ACVR1: variants seen among roughly 807,000 people sequenced by gnomAD.
The protein encoded by ACVR1 is activin receptor type-1.
ACVR1 carries 38 observed loss-of-function variants against 57.1 expected under a neutral mutation model. The ratio of observed to expected loss-of-function variants is 0.67; its 90% CI spans 0.51 to 0.87. The LOEUF is 0.87. Among genes scored for constraint, ACVR1 ranks in the 40% least tolerant of loss-of-function variants. ACVR1 has a pLI of 0.00. For synonymous variants in ACVR1, 212 were observed against 228.1 expected, an observed-to-expected ratio of 0.93 and a Z score of 0.63; for missense variants, 463 against 638.2, an observed-to-expected ratio of 0.73 and a Z score of 2.96.
intron 1 of ACVR1, among the ~76,000 whole-genome samples, chr2:157,859,368 AC>A (rs1271938304): frequency 6.6e-6 from 1 of 152,082 alleles, no homozygotes; most frequent in East Asian, 1.9e-4. Flanking sequence ...TCAATAATCC[AC>A]CCCTTGTTTA....
intron 1 of ACVR1, among the ~76,000 whole-genome samples, chr2:157,856,917 G>C (rs1443666878): frequency 2.0e-5 from 3 of 152,038 alleles, no homozygotes; most frequent in African/African-American, 7.2e-5. Flanking sequence ...TACAATCCTG[G>C]GCCAGGTACA....
At position 157,807,003 on chromosome 2, in the gene ACVR1, T is replaced by C. The variant is rs567844939; in HGVS notation, c.-7-7503A>G. On this transcript the variant is annotated intron_variant, in intron 2 of 10. Transcript: ENST00000434821. ...GGCCCTGGATCCGTTTATCCTGTAG[T>C]TAGAGGAAATAATTATGGATTATTT... 2.0e-5 allele frequency: 3 copies of C among 152,280 alleles called. No individual in the cohort carries two copies. The East Asian group carries it at 5.8e-4, about 29-fold the overall frequency. 9.4% of individuals were successfully genotyped at this position (152,280 alleles called of 1,614,324 possible). A position where few individuals can be genotyped will look rare whatever the true frequency, so the allele number is the denominator to read the frequency against.
chr2:157,833,568 A>C (rs1688660965), intron 1 of ACVR1, among the ~76,000 whole-genome samples: 1 of 152,216 alleles, frequency 6.6e-6, no homozygotes, highest in Non-Finnish European at 1.5e-5. Flanking sequence ...CACATATAAA[A>C]AGGAAATAAA....
chr2:157,762,729 T>A (rs1685710011), intron 8 of ACVR1, among the ~76,000 whole-genome samples: 1 of 152,164 alleles, frequency 6.6e-6, no homozygotes, highest in South Asian at 2.1e-4. Context: ...ATATAACAGA[T>A]GTTATAAAAT....
rs1181341972 is a variant in ACVR1, at chr2:157,820,828, A to G, written c.-182-2269T>C. Among the ~76,000 whole-genome samples, 4 of 152,136 alleles carry G rather than the reference A, an allele frequency of 2.6e-5. No individual in the cohort carries two copies. In the East Asian group the frequency reaches 7.7e-4, roughly 29 times the overall value. ...CTGGGTTTCTCGAAACCAATTCAAAACTAGGTAAAGATCACATATTATTCT... is the reference window on the plus strand; with the variant it reads ...CTGGGTTTCTCGAAACCAATTCAAAGCTAGGTAAAGATCACATATTATTCT... On this transcript the variant is annotated intron_variant, in intron 1 of 10. Transcript: ENST00000434821.
chr2:157,741,775 T>C (rs1326924939), intron 9 of ACVR1, among the ~76,000 whole-genome samples: 1 of 152,000 alleles, frequency 6.6e-6, no homozygotes, highest in Non-Finnish European at 1.5e-5. Context: ...CAGTGGCACT[T>C]GGCAGGGCTC....
intron 2 of ACVR1, among the ~76,000 whole-genome samples, chr2:157,815,324 TTGGGAGACAGAAA>T (rs1322203921): frequency 6.6e-6 from 1 of 152,170 alleles, no homozygotes; most frequent in Non-Finnish European, 1.5e-5. Flanking sequence ...CACTGGGTAC[TTGGGAGACAGAAA>T]AGGGAGACTT....
At chr2:157,824,534 AAG>A in intron 1 of ACVR1, among the ~76,000 whole-genome samples, 1 of 152,322 alleles carries the variant, frequency 6.6e-6, no homozygotes, top group East Asian at 1.9e-4. Flanking sequence ...GAAGCCTGAA[AAG>A]AGAACATGAA....
At chr2:157,758,704 A>G (rs1032516744) in intron 9 of ACVR1, among the ~76,000 whole-genome samples, 2 of 152,086 alleles carry the variant, frequency 1.3e-5, no homozygotes, top group Admixed American at 6.6e-5. Context: ...AAATGGACCT[A>G]ACAGGCACTT....
At chr2:157,803,694 T>C (rs912190297) in intron 2 of ACVR1, among the ~76,000 whole-genome samples, 2 of 152,124 alleles carry the variant, frequency 1.3e-5, no homozygotes, top group South Asian at 2.1e-4. Flanking sequence ...AAACTAGTAG[T>C]GGAAAATGGG....
chr2:157,808,262 T>C (rs1440984985), intron 2 of ACVR1, among the ~76,000 whole-genome samples: 1 of 152,210 alleles, frequency 6.6e-6, no homozygotes, highest in East Asian at 1.9e-4. Flanking sequence ...CATGGCTACA[T>C]ACTCATGCTT....
In ACVR1 at chr2:157,737,579, A is replaced by G. The variant is rs771491043; in HGVS notation, c.1482T>C (p.Thr494=). Residue 494 remains threonine, a synonymous_variant, in exon 11 of 11, where the codon ACT becomes ACC. Transcript: ENST00000434821. ...ARLTALRIKK[T]LTKIDNSLDK... ...CGAGGGAATTATCAATTTTGGTCAAAGTCTTTTTGATACGCAGTGCTGTGA... is the reference window on the plus strand; with the variant it reads ...CGAGGGAATTATCAATTTTGGTCAAGGTCTTTTTGATACGCAGTGCTGTGA... 3.1e-6 allele frequency: 5 copies of G among 1,613,986 alleles called. No individual in the cohort carries two copies. In the African/African-American group the frequency reaches 6.7e-5, roughly 22 times the overall value.
At chr2:157,776,238 A>G (rs1015914687) in intron 5 of ACVR1, among the ~76,000 whole-genome samples, 2 of 152,206 alleles carry the variant, frequency 1.3e-5, no homozygotes, top group African/African-American at 4.8e-5. Flanking sequence ...TTCCTCTCTC[A>G]AAATTCTAAA....
chr2:157,791,541 C>T (rs567730098), intron 3 of ACVR1, among the ~76,000 whole-genome samples: 1 of 152,362 alleles, frequency 6.6e-6, no homozygotes, highest in East Asian at 1.9e-4. Flanking sequence ...CTAGGGCTCA[C>T]TGTGTGCCGG....
chr2:157,785,427 C>T (rs997325637), intron 3 of ACVR1, among the ~76,000 whole-genome samples: 1 of 152,156 alleles, frequency 6.6e-6, no homozygotes, highest in African/African-American at 2.4e-5. Flanking sequence ...GAATTGAAAG[C>T]ATTTGAGATC....
In ACVR1 at chr2:157,865,492, T is replaced by C. The variant is rs747067791; in HGVS notation, c.-183+10304A>G. Among the ~76,000 whole-genome samples the C allele has an allele frequency of 5.3e-5, 8 of 152,178 alleles. No individual in the cohort carries two copies. In the East Asian group the frequency reaches 5.8e-4, roughly 11 times the overall value. ...ACACAGGAGATAGATGATTGATAGATAGATAGACAGACAGATAGGCAGGGC... is the reference window on the plus strand; with the variant it reads ...ACACAGGAGATAGATGATTGATAGACAGATAGACAGACAGATAGGCAGGGC... On this transcript the variant is annotated intron_variant, in intron 1 of 10. Coordinates refer to ENST00000434821, the MANE Select transcript of ACVR1 (RefSeq NM_001111067.4).
intron 9 of ACVR1, among the ~76,000 whole-genome samples, chr2:157,740,109 C>T (rs1051540062): frequency 1.1e-4 from 16 of 151,436 alleles, no homozygotes; most frequent in East Asian, 3.9e-4. Flanking sequence ...TGCTTGAACC[C>T]GGGAGGTGGA....
At chr2:157,838,073 C>A (rs924403753) in intron 1 of ACVR1, among the ~76,000 whole-genome samples, 1 of 150,590 alleles carries the variant, frequency 6.6e-6, no homozygotes, top group African/African-American at 2.5e-5. Context: ...CTGTTATTAT[C>A]ATCAAGAAAG....
intron 2 of ACVR1, among the ~76,000 whole-genome samples, chr2:157,802,455 T>A (rs553801174): frequency 2.0e-5 from 3 of 152,250 alleles, no homozygotes; most frequent in South Asian, 2.1e-4. Context: ...CTAGGCACTC[T>A]ACTCACCTAT....
Sources: gnomAD v4.1 joint callset for allele counts (sites outside exome capture counted in the v4.1 genomes callset) on GRCh38, gnomAD v4.1.1 for gene constraint, MANE v1.5 for transcripts, NCBI Gene and HGNC (gene_info 2026-07-23, HGNC 2026-07-21) for gene names.